Variants in CDH4 observed in about 807,000 individuals in gnomAD.
The protein encoded by CDH4 is cadherin-4.
Under a neutral mutation model 86.0 loss-of-function variants are expected in CDH4, and 33 were observed. The observed-to-expected ratio is 0.38, with a 90% CI of 0.29 to 0.51. The LOEUF (loss-of-function observed/expected upper bound fraction) is 0.51. Among genes scored for constraint, CDH4 ranks in the 20% least tolerant of loss-of-function variants. The pLI is 0.86. For synonymous variants in CDH4, 555 were observed against 549.4 expected (o/e 1.01, Z -0.14); for missense variants, 1,114 against 1,307.4 (o/e 0.85, Z 2.28).
At chr20:61,768,408 C>T (rs1030558677) in intron 3 of CDH4, among the ~76,000 whole-genome samples, 2 of 152,134 alleles carry the variant, frequency 1.3e-5, no homozygotes, top group African/African-American at 4.8e-5. Context: ...CGCCTGTATA[C>T]ACATGTGCGC....
Position 61,714,062 on chromosome 20 carries a change from T to TGTTATGTTATGTTATGTTATG in CDH4, c.170-29501_170-29500insGTTATGTTATGTTATGTTATG, listed in dbSNP as rs1237764006. On this transcript the variant is annotated intron_variant, in intron 2 of 15. Transcript: ENST00000614565. ...TTTTATTTTATTTTATTTTATTTTA[T>TGTTATGTTATGTTATGTTATG]TTGAGATGGAGTCTCACTCTGTCGC... 3.2e-3 allele frequency among the ~76,000 whole-genome samples: 481 copies of TGTTATGTTATGTTATGTTATG among 149,996 alleles called. 11 individuals are homozygous for TGTTATGTTATGTTATGTTATG. Among genetic ancestry groups the TGTTATGTTATGTTATGTTATG allele is most frequent in the Middle Eastern group, 0.01 (3 of 288 alleles).
chr20:61,453,389 A>C (rs376958076), intron 2 of CDH4, among the ~76,000 whole-genome samples: 3 of 152,138 alleles, frequency 2.0e-5, no homozygotes, highest in East Asian at 3.9e-4. Flanking sequence ...CTGGGTTCGC[A>C]TGTGTGGAAT....
chr20:61,280,358 C>T (rs544893669), intron 2 of CDH4, among the ~76,000 whole-genome samples: 2 of 152,244 alleles, frequency 1.3e-5, no homozygotes, highest in Non-Finnish European at 2.9e-5. Context: ...GCCACCCAAG[C>T]AGCCAATCCC....
At chr20:61,545,380 T>G (rs1340630185) in intron 2 of CDH4, among the ~76,000 whole-genome samples, 1 of 152,242 alleles carries the variant, frequency 6.6e-6, no homozygotes. Flanking sequence ...TTGGCCAGCC[T>G]GTCGGAGTGA....
intron 5 of CDH4, among the ~76,000 whole-genome samples, chr20:61,846,886 C>T (rs1395906445): frequency 6.6e-6 from 1 of 152,168 alleles, no homozygotes; most frequent in Non-Finnish European, 1.5e-5. Context: ...TGGGTCAGCC[C>T]ACTTCTCCCT....
intron 4 of CDH4, among the ~76,000 whole-genome samples, chr20:61,820,248 C>T (rs1980945090): frequency 6.6e-6 from 1 of 152,234 alleles, no homozygotes. Context: ...TTGGCATCCC[C>T]AAGACCGCCT....
chr20:61,508,654 G>A (rs2145609882), intron 2 of CDH4, among the ~76,000 whole-genome samples: 1 of 152,392 alleles, frequency 6.6e-6, no homozygotes, highest in South Asian at 2.1e-4. Context: ...CTAAGCAGCA[G>A]TGCTGAAGGC....
At chr20:61,778,664 C>G (rs80205007) in intron 4 of CDH4, among the ~76,000 whole-genome samples, 1 of 152,050 alleles carries the variant, frequency 6.6e-6, no homozygotes, top group Non-Finnish European at 1.5e-5. Flanking sequence ...TGTACCCACA[C>G]CGCGGAGGGA....
intron 2 of CDH4, among the ~76,000 whole-genome samples, chr20:61,391,027 C>T (rs762872929): frequency 2.0e-5 from 3 of 152,208 alleles, no homozygotes; most frequent in Middle Eastern, 3.4e-3. Context: ...GAGGCAGTGC[C>T]GCAGTGGGGG....
chr20:61,786,156 C>A (rs958150746), intron 4 of CDH4, among the ~76,000 whole-genome samples: 3 of 152,116 alleles, frequency 2.0e-5, no homozygotes, highest in Admixed American at 2.0e-4. Context: ...GAAAGTTGGA[C>A]CCCCCGTTCA....
chr20:61,408,295 A>G (rs2085095612), intron 2 of CDH4, among the ~76,000 whole-genome samples: 2 of 152,076 alleles, frequency 1.3e-5, no homozygotes, highest in African/African-American at 4.8e-5. Context: ...CAGGGGAGCC[A>G]TTGTCTTCCT....
intron 2 of CDH4, among the ~76,000 whole-genome samples, chr20:61,334,838 T>C (rs1445458468): frequency 1.3e-5 from 2 of 152,234 alleles, no homozygotes; most frequent in African/African-American, 4.8e-5. Context: ...TCAGGCTTCC[T>C]CCTGTGCACG....
intron 4 of CDH4, among the ~76,000 whole-genome samples, chr20:61,779,962 G>A (rs1000945450): frequency 1.3e-5 from 2 of 152,226 alleles, no homozygotes; most frequent in Admixed American, 1.3e-4. Flanking sequence ...GTCCACCTAA[G>A]CACCCACTTT....
chr20:61,792,743 C>T (rs780918525), intron 4 of CDH4, among the ~76,000 whole-genome samples: 1 of 151,966 alleles, frequency 6.6e-6, no homozygotes, highest in Non-Finnish European at 1.5e-5. Context: ...CTCCACCTCC[C>T]AGGTTCAAGT....
chr20:61,877,824 C>T (rs1568862929), intron 7 of CDH4, among the ~76,000 whole-genome samples: 2 of 152,190 alleles, frequency 1.3e-5, no homozygotes. Context: ...TTCAGGGGCT[C>T]AGGGGACGGT....
At chr20:61,936,686 G>T in intron 15 of CDH4, 51 bp from the exon 16 acceptor site, 3 of 1,409,524 alleles carry the variant, frequency 2.1e-6, no homozygotes, top group East Asian at 5.4e-5. Context: ...ATCTGATCCC[G>T]GGGCTGAGAC....
At chr20:61,407,026 T>C (rs867084924) in intron 2 of CDH4, among the ~76,000 whole-genome samples, 67 of 141,448 alleles carry the variant, frequency 4.7e-4, no homozygotes, top group African/African-American at 1.4e-3. Flanking sequence ...CTGCTCTGCC[T>C]GGACCACCAT....
Position 61,933,927 on chromosome 20 carries a change from G to T in CDH4, c.2380-129G>T. On this transcript the variant is annotated intron_variant, in intron 14 of 15. Coordinates refer to ENST00000614565, the MANE Select transcript of CDH4 (RefSeq NM_001794.5). The stretch of plus-strand genomic sequence containing the variant: ...AGCAGGGGACAGCATGGTTCTGTGG[G>T]ATGCTTGGAGACCAGGCCACAGGGC... The T allele has an allele frequency of 7.9e-6, 8 of 1,012,166 alleles. No individual in the cohort carries two copies. The Admixed American group carries it at 9.7e-5, about 12-fold the overall frequency. The allele number at this position is 1,012,166 out of a possible 1,614,324, so 62.7% of individuals were successfully genotyped here. A position where few individuals can be genotyped will look rare whatever the true frequency, so the allele number is the denominator to read the frequency against.
chr20:61,628,149 C>G (rs1191201334), intron 2 of CDH4, among the ~76,000 whole-genome samples: 1 of 152,198 alleles, frequency 6.6e-6, no homozygotes, highest in Non-Finnish European at 1.5e-5. Context: ...CCCCGAAGCC[C>G]GCAGCTTCCT....
Sources: gnomAD v4.1 joint callset for allele counts (sites outside exome capture counted in the v4.1 genomes callset) on GRCh38, gnomAD v4.1.1 for gene constraint, MANE v1.5 for transcripts, NCBI Gene and HGNC (gene_info 2026-07-23, HGNC 2026-07-21) for gene names.